The following AMER1 variants were observed in gnomAD, a reference collection of about 807,000 sequenced individuals.
AMER1 encodes the protein APC membrane recruitment protein 1, also known as RP11-403E24.2.
Under a neutral mutation model 53.0 loss-of-function variants are expected in AMER1, and 16 were observed. The ratio of observed to expected loss-of-function variants is 0.30; its 90% CI spans 0.20 to 0.46. The LOEUF is 0.46. Ranked by LOEUF, AMER1 falls within the 20% of genes least tolerant of loss-of-function variation. The pLI is 1.00. For synonymous variants in AMER1, 354 were observed against 331.9 expected (o/e 1.07, Z -0.73); for missense variants, 947 against 884.9 (o/e 1.07, Z -0.89).
chrX:64,194,314 A>G (rs1276045250), intron 1 of AMER1, among the ~76,000 whole-genome samples: 1 of 111,012 alleles, frequency 9.0e-6, no homozygotes, highest in African/African-American at 3.3e-5. Flanking sequence ...TAGGAAGGGA[A>G]CTCCTTGAAG....
Position 64,189,793 on chromosome X carries a change from A to ACGGGGCGC in AMER1, c.*85_*86insGCGCCCCG. 6.8e-6 allele frequency: 2 copies of ACGGGGCGC among 292,066 alleles called. No homozygotes were observed. The highest frequency in any genetic ancestry group is 9.8e-6 in the Non-Finnish European group (2 of 204,824). The allele number at this position is 292,066 out of a possible 1,213,427, so 24.1% of individuals were successfully genotyped here. A position where few individuals can be genotyped will look rare whatever the true frequency, so the allele number is the denominator to read the frequency against. ...CAAAGGGTTTTCAAGTTAAACAACA[A>ACGGGGCGC]CCCCCACCCCCCCACCCTTCTGCCC... On this transcript the variant is annotated 3_prime_UTR_variant, in exon 2 of 2. Coordinates refer to ENST00000374869, the MANE Select transcript of AMER1 (RefSeq NM_152424.4).
chrX:64,193,307 T>C lies in AMER1; in HGVS notation c.-21A>G, dbSNP rs764892565. 4 of 1,211,057 alleles carry C rather than the reference T, an allele frequency of 3.3e-6. No individual in the cohort carries two copies. The highest frequency in any genetic ancestry group is 4.5e-6 in the Non-Finnish European group (4 of 895,475). ...TCCATGATGATGGGGACAACTGAGG[T>C]ACGTCCAGCTGGAAATGCAGCCTCA... is the stretch of plus-strand genomic sequence containing the variant. On this transcript the variant is annotated 5_prime_UTR_variant, in exon 2 of 2. Coordinates refer to ENST00000374869, the MANE Select transcript of AMER1 (RefSeq NM_152424.4).
chrX:64,203,971 T>C (rs1930543465), intron 1 of AMER1, among the ~76,000 whole-genome samples: 1 of 111,986 alleles, frequency 8.9e-6, no homozygotes, highest in Non-Finnish European at 1.9e-5. Context: ...CTGGGTCTCG[T>C]TGCCCCTCCT....
Position 64,189,152 on chromosome X carries a change from A to C in AMER1, c.*727T>G. 2.5e-6 allele frequency: 2 copies of C among 800,374 alleles called. No homozygotes were observed. Among genetic ancestry groups the C allele is most frequent in the Non-Finnish European group, 3.0e-6 (2 of 667,403 alleles). 66.0% of individuals were successfully genotyped at this position (800,374 alleles called of 1,213,427 possible). A position where few individuals can be genotyped will look rare whatever the true frequency, so the allele number is the denominator to read the frequency against. On this transcript the variant is annotated 3_prime_UTR_variant, in exon 2 of 2. Coordinates refer to ENST00000374869, the MANE Select transcript of AMER1 (RefSeq NM_152424.4). ...AGGCCCCCATCTGGTCATGATGCCA[A>C]AGTCCACAGCGATAGGCTGTGAGAC...
intron 1 of AMER1, among the ~76,000 whole-genome samples, chrX:64,196,705 G>A (rs887180709): frequency 1.8e-5 from 2 of 112,034 alleles, no homozygotes; most frequent in Non-Finnish European, 3.8e-5. Flanking sequence ...GTGTCCCTGG[G>A]ATGGAGTTTC....
At chrX:64,205,055 G>T (rs1161927477) in intron 1 of AMER1, among the ~76,000 whole-genome samples, 1 of 113,550 alleles carries the variant, frequency 8.8e-6, no homozygotes, top group Non-Finnish European at 1.9e-5. Flanking sequence ...AAGCCAGCAC[G>T]CCAGCTTGAG....
rs190662204 is a variant in AMER1 at position 64,186,077 on chromosome X, A to C, written c.*3802T>G. On this transcript the variant is annotated 3_prime_UTR_variant, in exon 2 of 2. Coordinates refer to ENST00000374869, the MANE Select transcript of AMER1 (RefSeq NM_152424.4). ...GACATGGGGAAGAAGGGTTCAAAAG[A>C]AAGAAAAACATAAAATAAAGCCAGA... The C allele has an allele frequency of 3.3e-4, 381 of 1,159,560 alleles. No homozygotes were observed. The African/African-American group carries it at 6.2e-3, about 19-fold the overall frequency.
rs1001014337 is a variant in AMER1 at position 64,186,697 on chromosome X, C to T, written c.*3182G>A. The T allele has an allele frequency of 1.3e-5, 10 of 773,468 alleles. No homozygotes were observed. In the East Asian group the frequency reaches 8.2e-4, roughly 64 times the overall value. The allele number at this position is 773,468 out of a possible 1,213,427, so 63.7% of individuals were successfully genotyped here. A position where few individuals can be genotyped will look rare whatever the true frequency, so the allele number is the denominator to read the frequency against. On this transcript the variant is annotated 3_prime_UTR_variant, in exon 2 of 2. Coordinates refer to ENST00000374869, the MANE Select transcript of AMER1 (RefSeq NM_152424.4). ...ACTGGTGTTTACTGAACCCATTATC[C>T]GGGCAGTCTTGTGGCCTGGTACCCA...
rs1930249664 is a variant in AMER1, at chrX:64,191,756, G to T, written c.1531C>A (p.Pro511Thr). ...GGAGAGTTCTCAAGGCTGTCATCTG[G>T]CTCATAGAACTCATATAGGGCATCT... ...SGDALYEFYE[P>T]DDSLENSPPG... Residue 511 changes from proline to threonine, a missense_variant, in exon 2 of 2, where the codon CCA (proline) becomes ACA (threonine). By Grantham distance (38) the Pro-to-Thr change is conservative (BLOSUM62 -1). Coordinates refer to ENST00000374869, the MANE Select transcript of AMER1 (RefSeq NM_152424.4). 8.3e-7 allele frequency: 1 copy of T among 1,209,881 alleles called. No homozygotes were observed. The highest frequency in any genetic ancestry group is 1.8e-5 in the South Asian group (1 of 56,702).
chrX:64,188,991 C>T lies in AMER1; in HGVS notation c.*888G>A, dbSNP rs142172661. 9,077 of 804,812 alleles carry T rather than the reference C, an allele frequency of 0.011. 66 individuals carry two copies. Among genetic ancestry groups the T allele is most frequent in the Admixed American group, 0.049 (631 of 12,976 alleles). The allele number at this position is 804,812 out of a possible 1,213,427, so 66.3% of individuals were successfully genotyped here. On this transcript the variant is annotated 3_prime_UTR_variant, in exon 2 of 2. Transcript: ENST00000374869. Reference sequence around the variant, plus strand: ...AGAAGGAAAAAAAATCCTATCATTCCGGAGCTCAACACTCTATGGCAGTGT... The same window carrying T: ...AGAAGGAAAAAAAATCCTATCATTCTGGAGCTCAACACTCTATGGCAGTGT...
In AMER1 at chrX:64,188,644, T is replaced by C; in HGVS notation, c.*1235A>G. ...TTATTACAGAGTCCAAATGATGGGATGGGCAAGGCTTAAGGAACATTTTGT... is the reference window on the plus strand; with the variant it reads ...TTATTACAGAGTCCAAATGATGGGACGGGCAAGGCTTAAGGAACATTTTGT... On this transcript the variant is annotated 3_prime_UTR_variant, in exon 2 of 2. Transcript: ENST00000374869. 1.2e-6 allele frequency: 1 copy of C among 801,503 alleles called. No individual in the cohort carries two copies. Among genetic ancestry groups the C allele is most frequent in the Non-Finnish European group, 1.5e-6 (1 of 668,258 alleles). The allele number at this position is 801,503 out of a possible 1,213,427, so 66.1% of individuals were successfully genotyped here. A position where few individuals can be genotyped will look rare whatever the true frequency, so the allele number is the denominator to read the frequency against.
chrX:64,187,561 G>A lies in AMER1; in HGVS notation c.*2318C>T. ...CACCTCCTTTTTCTCTTCCCAGATA[G>A]GCTGGTGGCCCTTCTCCAGCAGGGT... On this transcript the variant is annotated 3_prime_UTR_variant, in exon 2 of 2. Coordinates refer to ENST00000374869, the MANE Select transcript of AMER1 (RefSeq NM_152424.4). 1.3e-6 allele frequency: 1 copy of A among 778,593 alleles called. No individual in the cohort carries two copies. 64.2% of individuals were successfully genotyped at this position (778,593 alleles called of 1,213,427 possible).
Position 64,190,767 on chromosome X carries a change from G to A in AMER1, c.2520C>T (p.Ala840=), listed in dbSNP as rs141254979. The change falls in exon 2 of 2, where the codon GCC becomes GCT. Residue 840 remains alanine, a synonymous_variant. Coordinates refer to ENST00000374869, the MANE Select transcript of AMER1 (RefSeq NM_152424.4). Reference sequence around the variant, plus strand: ...GTTTGTGATAGTAGCCCAGCTCAAAGGCTTCCAAGGAGGCTGCAAGATCTT... The same window carrying A: ...GTTTGTGATAGTAGCCCAGCTCAAAAGCTTCCAAGGAGGCTGCAAGATCTT... ...NDEDLAASLE[A]FELGYYHKHA... 670 of 1,205,518 alleles carry A rather than the reference G, an allele frequency of 5.6e-4. 5 individuals are homozygous for A. The East Asian group carries it at 0.014, about 25-fold the overall frequency.
rs1930167935 is a variant in AMER1 at position 64,189,084 on chromosome X, T to C, written c.*795A>G. 3 of 796,336 alleles carry C rather than the reference T, an allele frequency of 3.8e-6. No individual in the cohort carries two copies. The highest frequency in any genetic ancestry group is 4.5e-6 in the Non-Finnish European group (3 of 668,388). 65.6% of individuals were successfully genotyped at this position (796,336 alleles called of 1,213,427 possible). On this transcript the variant is annotated 3_prime_UTR_variant, in exon 2 of 2. Transcript: ENST00000374869. Reference sequence around the variant, plus strand: ...AATTTTATCACTCCATCAAGGGGATTAGCATTTTTGTCTTTAACCCAAGCT... The same window carrying C: ...AATTTTATCACTCCATCAAGGGGATCAGCATTTTTGTCTTTAACCCAAGCT...
rs775437630 is a variant in AMER1, at chrX:64,197,444, C to T, written c.-98-4060G>A. ...AGGCAGGAGGCCAGCCACATACCTG[C>T]CCTAGAGACCCTTCTCAAGGAGAAG... On this transcript the variant is annotated intron_variant, in intron 1 of 1. Coordinates refer to ENST00000374869, the MANE Select transcript of AMER1 (RefSeq NM_152424.4). 8.0e-5 allele frequency among the ~76,000 whole-genome samples: 9 copies of T among 112,948 alleles called. 1 individual carries two copies. The highest frequency in any genetic ancestry group is 8.3e-3 in the Middle Eastern group (2 of 240).
chrX:64,193,319 GA>G lies in AMER1; in HGVS notation c.-34del, dbSNP rs762256327. Reference sequence around the variant, plus strand: ...GGGACAACTGAGGTACGTCCAGCTGGAAATGCAGCCTCAGGCTTCCAGGCAC... The same window carrying G: ...GGGACAACTGAGGTACGTCCAGCTGGAATGCAGCCTCAGGCTTCCAGGCAC... On this transcript the variant is annotated 5_prime_UTR_variant, in exon 2 of 2. Transcript: ENST00000374869. The G allele has an allele frequency of 8.3e-6, 10 of 1,209,268 alleles. No homozygotes were observed. In the East Asian group the frequency reaches 1.8e-4, roughly 22 times the overall value.
At position 64,192,594 on chromosome X, in the gene AMER1, G is replaced by T. The variant is rs2147089996; in HGVS notation, c.693C>A (p.Pro231=). The part of the protein sequence containing the change: ...FQAPRKENAN[P]QDAPGPKVSP... ...AAACTTTTGGCCCAGGGGCATCTTG[G>T]GGGTTAGCATTTTCCTTTCTAGGGG... The change falls in exon 2 of 2, where the codon CCC becomes CCA. Residue 231 remains proline (P), a synonymous_variant. Coordinates refer to ENST00000374869, the MANE Select transcript of AMER1 (RefSeq NM_152424.4). The T allele has an allele frequency of 8.4e-7, 1 of 1,186,569 alleles. No homozygotes were observed. The highest frequency in any genetic ancestry group is 1.1e-6 in the Non-Finnish European group (1 of 886,607).
rs1555932915 is a variant in AMER1, at chrX:64,189,538, A to ATAT, written c.*338_*340dup. 236 of 111,386 alleles carry ATAT rather than the reference A, an allele frequency of 2.1e-3. 5 individuals carry two copies. The highest frequency in any genetic ancestry group is 0.017 in the African/African-American group (215 of 12,678). The allele number at this position is 111,386 out of a possible 1,213,427, so 9.2% of individuals were successfully genotyped here. A position where few individuals can be genotyped will look rare whatever the true frequency, so the allele number is the denominator to read the frequency against. On this transcript the variant is annotated 3_prime_UTR_variant, in exon 2 of 2. Coordinates refer to ENST00000374869, the MANE Select transcript of AMER1 (RefSeq NM_152424.4). ...TGTATATATATATATATATATATATATATATATATATATATATATAATCAC... is the reference window on the plus strand; with the variant it reads ...TGTATATATATATATATATATATATATATTATATATATATATATATATAATCAC...
intron 1 of AMER1, among the ~76,000 whole-genome samples, chrX:64,200,060 G>A (rs1225208828): frequency 8.9e-6 from 1 of 112,598 alleles, no homozygotes; most frequent in African/African-American, 3.2e-5. Flanking sequence ...TCCCCTCCCT[G>A]CCCAGCTTGC....
Sources: allele counts gnomAD v4.1 joint callset (sites outside exome capture counted in the v4.1 genomes callset), GRCh38; gene constraint gnomAD v4.1.1; transcripts MANE v1.5; gene names NCBI Gene and HGNC (gene_info 2026-07-23, HGNC 2026-07-21).